ACSM1: variants seen among roughly 807,000 people sequenced by gnomAD.
ACSM1 encodes the protein acyl-coenzyme A synthetase ACSM1, mitochondrial.
In ACSM1, 79 loss-of-function variants were observed where a neutral mutation model predicts 75.8. The observed-to-expected ratio is 1.04, with a 90% confidence interval of 0.87 to 1.26. The LOEUF (loss-of-function observed/expected upper bound fraction) is 1.26, where lower values mean the gene tolerates loss of function less well. ACSM1 is among the 50% of genes most tolerant of loss of function. ACSM1 has a pLI of 0.00. For synonymous variants in ACSM1, 279 were observed against 265.8 expected (o/e 1.05, Z -0.48); for missense variants, 676 against 720.1 (o/e 0.94, Z 0.70).
rs552219429 is a variant in ACSM1 at position 20,697,163 on chromosome 16, C to T, written c.-52+473G>A. ...TCATAGCTCACTGCAGCCTCAATCT[C>T]CTGGGCTACAGTCATCCTCCTGCCT... On this transcript the variant is annotated intron_variant, in intron 1 of 13. Transcript: ENST00000520010. Among the ~76,000 whole-genome samples, 20 of 152,250 alleles carry T rather than the reference C, an allele frequency of 1.3e-4. No individual in the cohort carries two copies. The South Asian group carries it at 3.9e-3, about 30-fold the overall frequency.
chr16:20,670,123 T>C, intron 5 of ACSM1, 137 bp from the exon 6 acceptor site: 1 of 779,296 alleles, frequency 1.3e-6, no homozygotes, highest in Non-Finnish European at 2.1e-6. Flanking sequence ...CATACCACCC[T>C]CAGGCCAGGT....
At chr16:20,691,871 T>C (rs553193142) in intron 1 of ACSM1, among the ~76,000 whole-genome samples, 25 of 150,464 alleles carry the variant, frequency 1.7e-4, no homozygotes, top group African/African-American at 5.9e-4. Context: ...TGTGTGCTGT[T>C]TGTGGTTATG....
intron 4 of ACSM1, among the ~76,000 whole-genome samples, chr16:20,673,046 A>G (rs2020053689): frequency 6.9e-6 from 1 of 145,982 alleles, no homozygotes; most frequent in Non-Finnish European, 1.5e-5. Flanking sequence ...TACATGTCAT[A>G]TATACATATA....
chr16:20,675,328 G>A (rs550304108), intron 4 of ACSM1, among the ~76,000 whole-genome samples: 108 of 152,328 alleles, frequency 7.1e-4, no homozygotes, highest in African/African-American at 2.5e-3. Flanking sequence ...GGGAGGCACA[G>A]ATCCCTTAGC....
chr16:20,681,268 A>G (rs1168240168), intron 4 of ACSM1: 1 of 152,258 alleles, frequency 6.6e-6, no homozygotes, highest in Admixed American at 6.5e-5. Flanking sequence ...ATAGATTGGC[A>G]TTAGATTATC....
chr16:20,671,770 G>A (rs1452362430), intron 4 of ACSM1, 99 bp from the exon 5 acceptor site: 68 of 1,352,654 alleles, frequency 5.0e-5, no homozygotes, highest in Non-Finnish European at 6.6e-5. Context: ...AGGAAACTGG[G>A]AGTTTGCAAC....
At chr16:20,644,020 T>G (rs2018221081) in intron 7 of ACSM1, among the ~76,000 whole-genome samples, 1 of 152,178 alleles carries the variant, frequency 6.6e-6, no homozygotes, top group Non-Finnish European at 1.5e-5. Context: ...TGCTGATTGG[T>G]GCATTTACAG....
chr16:20,672,309 A>T (rs1289864603), intron 4 of ACSM1, among the ~76,000 whole-genome samples: 1 of 150,316 alleles, frequency 6.7e-6, no homozygotes, highest in Admixed American at 6.7e-5. Flanking sequence ...TTAGTTGGGC[A>T]TGCTGGTGGG....
Position 20,682,414 on chromosome 16 carries a change from G to A in ACSM1, c.453C>T (p.Leu151=). 1 of 1,614,008 alleles carries A rather than the reference G, an allele frequency of 6.2e-7. No homozygotes were observed. The highest frequency in any genetic ancestry group is 8.5e-7 in the Non-Finnish European group (1 of 1,179,916). ...TGGCTTTAGACAACTGTAGTCGATA[G>A]AGAATGTCTTTGGCCTTCAACAGGA... ...ATILLKAKDI[L]YRLQLSKAKG... The change falls in exon 4 of 14, where the codon CTC becomes CTT. Residue 151 remains leucine (L), a synonymous_variant. Transcript: ENST00000520010.
chr16:20,664,259 C>T (rs748106941), intron 6 of ACSM1, among the ~76,000 whole-genome samples: 2 of 151,536 alleles, frequency 1.3e-5, no homozygotes, highest in Non-Finnish European at 2.9e-5. Flanking sequence ...CTTCATGAGA[C>T]CCATCTCACA....
At chr16:20,680,704 T>A (rs187212891) in intron 4 of ACSM1, 1 of 152,150 alleles carries the variant, frequency 6.6e-6, no homozygotes, top group African/African-American at 2.4e-5. Flanking sequence ...CAAAACTCTA[T>A]GGAGAAGCAC....
intron 10 of ACSM1, among the ~76,000 whole-genome samples, chr16:20,627,883 T>C (rs1488057968): frequency 0.069 from 1,087 of 15,844 alleles, 30 homozygotes; most frequent in Non-Finnish European, 0.14. Flanking sequence ...TATATATATA[T>C]ATATATATAT....
chr16:20,692,008 G>T (rs534279704), intron 1 of ACSM1, among the ~76,000 whole-genome samples: 23 of 152,154 alleles, frequency 1.5e-4, no homozygotes, highest in Non-Finnish European at 3.2e-4. Flanking sequence ...TCCTCTGCAT[G>T]TCTGCCCCTG....
chr16:20,656,090 T>C (rs1596860567), intron 7 of ACSM1, among the ~76,000 whole-genome samples: 1 of 152,334 alleles, frequency 6.6e-6, no homozygotes, highest in East Asian at 1.9e-4. Context: ...CCTTCACCTT[T>C]TGTTGGCTCC....
intron 1 of ACSM1, among the ~76,000 whole-genome samples, chr16:20,695,360 G>A (rs371720527): frequency 5.9e-5 from 9 of 152,124 alleles, no homozygotes; most frequent in South Asian, 4.1e-4. Flanking sequence ...CATTCAGCAC[G>A]GACAAGTATT....
chr16:20,640,541 C>T lies in ACSM1; in HGVS notation c.1036G>A (p.Val346Ile). The T allele has an allele frequency of 1.2e-6, 2 of 1,614,164 alleles. No homozygotes were observed. The highest frequency in any genetic ancestry group is 8.5e-7 in the Non-Finnish European group (1 of 1,180,014). Residue 346 changes from valine (V) to isoleucine (I), a missense_variant, in exon 8 of 14, where the codon GTC becomes ATC. Val to Ile is a conservative substitution (Grantham distance 29, BLOSUM62 3). Coordinates refer to ENST00000520010, the MANE Select transcript of ACSM1 (RefSeq NM_001318890.3). Reference protein sequence around the residue: ...ALEHCYTGGEVVLPKDQEEWK... With the variant: ...ALEHCYTGGEIVLPKDQEEWK... ...TCCTCCTGATCCTTGGGCAACACGA[C>T]CTCCCCGCCAGTATAGCAGTGCTCC...
intron 10 of ACSM1, among the ~76,000 whole-genome samples, chr16:20,628,243 T>C (rs977468996): frequency 1.2e-4 from 18 of 152,224 alleles, no homozygotes; most frequent in Admixed American, 6.5e-5. Flanking sequence ...ATGATCAGTA[T>C]CTTAGGCAGA....
At chr16:20,669,715 T>C (rs573653705) in intron 6 of ACSM1, 112 bp downstream of exon 6, 104 of 1,076,868 alleles carry the variant, frequency 9.7e-5, no homozygotes, top group Middle Eastern at 2.8e-4. Context: ...AGGCTCAGGA[T>C]CATCTTAGGC....
Position 20,625,416 on chromosome 16 carries a change from T to G in ACSM1, c.1527+7A>C, listed in dbSNP as rs771906984. The G allele has an allele frequency of 2.5e-6, 4 of 1,613,606 alleles. No individual in the cohort carries two copies. ...CACAGACATGATGATCTCTGTGTTC[T>G]CCTCACCTCCCCTCGAATCGGGTCT... On this transcript the variant is annotated splice_region_variant and intron_variant, in intron 12 of 13. Transcript: ENST00000520010.
Sources: gnomAD v4.1 joint callset for allele counts (sites outside exome capture counted in the v4.1 genomes callset) on GRCh38, gnomAD v4.1.1 for gene constraint, MANE v1.5 for transcripts, NCBI Gene and HGNC (gene_info 2026-07-23, HGNC 2026-07-21) for gene names.